The following PSD3 variants were observed in gnomAD, a reference collection of about 807,000 sequenced individuals.
PSD3 encodes PH and SEC7 domain-containing protein 3.
Under a neutral mutation model 105.5 loss-of-function variants are expected in PSD3, and 49 were observed. The ratio of observed to expected loss-of-function variants is 0.46; its 90% CI spans 0.37 to 0.59. The LOEUF (loss-of-function observed/expected upper bound fraction) is 0.59, where lower values mean the gene tolerates loss of function less well. Among genes scored for constraint, PSD3 ranks in the 20% least tolerant of loss-of-function variants. The pLI is 0.00. For synonymous variants in PSD3, 557 were observed against 457.8 expected, an observed-to-expected ratio of 1.22 and a Z score of -2.77; for missense variants, 1,561 against 1,263.8, an observed-to-expected ratio of 1.24 and a Z score of -3.57.
intron 11 of PSD3, among the ~76,000 whole-genome samples, chr8:18,614,445 A>C (rs1384518864): frequency 1.3e-5 from 2 of 151,020 alleles, no homozygotes; most frequent in African/African-American, 4.9e-5. Flanking sequence ...CTTTTAGGTA[A>C]AACGCAGGAT....
rs1801879700 is a variant in PSD3 at position 18,706,084 on chromosome 8, G to GTTC, written c.2173-50402_2173-50400dup. The stretch of plus-strand genomic sequence containing the variant: ...ACTGTATAGGTTGGCTCAGCGTCCA[G>GTTC]TTCTTCCCTTCCACCACAGGAAGGG... On this transcript the variant is annotated intron_variant, in intron 9 of 15. Transcript: ENST00000327040. Among the ~76,000 whole-genome samples the GTTC allele has an allele frequency of 3.9e-5, 6 of 152,190 alleles. No homozygotes were observed. The South Asian group carries it at 1.2e-3, about 32-fold the overall frequency.
chr8:18,846,423 A>G (rs936564463), intron 4 of PSD3, among the ~76,000 whole-genome samples: 1 of 152,142 alleles, frequency 6.6e-6, no homozygotes, highest in African/African-American at 2.4e-5. Flanking sequence ...CTAACGATAG[A>G]ACAGTTTCTA....
intron 2 of PSD3, among the ~76,000 whole-genome samples, chr8:18,894,190 TACTC>T (rs890223856): frequency 6.6e-6 from 1 of 152,228 alleles, no homozygotes; most frequent in African/African-American, 2.4e-5. Context: ...CAGCCTTTTG[TACTC>T]ACTACAAAGT....
intron 1 of PSD3, among the ~76,000 whole-genome samples, chr8:19,018,729 TTGAATCAAGTGTGTC>T (rs1827257985): frequency 6.6e-6 from 1 of 152,166 alleles, no homozygotes; most frequent in Non-Finnish European, 1.5e-5. Flanking sequence ...ATACTTTTTC[TTGAATCAAGTGTGTC>T]TGAACATCAA....
intron 1 of PSD3, among the ~76,000 whole-genome samples, chr8:18,995,028 T>G (rs1180106803): frequency 6.6e-6 from 1 of 152,096 alleles, no homozygotes; most frequent in East Asian, 1.9e-4. Context: ...AGGTTTATTC[T>G]ATTTTCCACA....
At chr8:18,651,784 G>A (rs928959160) in intron 10 of PSD3, among the ~76,000 whole-genome samples, 3 of 152,164 alleles carry the variant, frequency 2.0e-5, no homozygotes, top group East Asian at 3.9e-4. Flanking sequence ...AGGATGATAG[G>A]CTTTGAACAT....
intron 4 of PSD3, among the ~76,000 whole-genome samples, chr8:18,850,714 C>A (rs1046740010): frequency 1.5e-4 from 23 of 152,254 alleles, no homozygotes; most frequent in African/African-American, 5.5e-4. Flanking sequence ...ACAAAAAGGT[C>A]TTGTAGCTCA....
chr8:19,030,589 C>T (rs1827730967), intron 1 of PSD3, among the ~76,000 whole-genome samples: 1 of 152,144 alleles, frequency 6.6e-6, no homozygotes, highest in African/African-American at 2.4e-5. Flanking sequence ...TCCTCTCCCC[C>T]TTCACCTTCC....
chr8:18,594,241 AT>A (rs1390061900), intron 12 of PSD3, among the ~76,000 whole-genome samples: 1,922 of 8,888 alleles, frequency 0.22, 533 homozygotes, highest in South Asian at 0.41. Flanking sequence ...AATATATATT[AT>A]TATATATATT....
At chr8:18,851,026 G>A in intron 4 of PSD3, among the ~76,000 whole-genome samples, 1 of 152,296 alleles carries the variant, frequency 6.6e-6, no homozygotes, top group South Asian at 2.1e-4. Flanking sequence ...CAGAACACCA[G>A]ACAGCTACAA....
At chr8:18,897,438 G>C (rs564930120) in intron 2 of PSD3, among the ~76,000 whole-genome samples, 1 of 152,222 alleles carries the variant, frequency 6.6e-6, no homozygotes, top group African/African-American at 2.4e-5. Flanking sequence ...TTTGGAGTCC[G>C]GTAGTGTGAT....
At chr8:18,831,161 A>T (rs941650170) in intron 4 of PSD3, among the ~76,000 whole-genome samples, 5 of 151,718 alleles carry the variant, frequency 3.3e-5, no homozygotes, top group African/African-American at 9.7e-5. Flanking sequence ...AGCTACTATT[A>T]ATCTGGTTCT....
At chr8:18,920,941 T>C (rs1037926512) in intron 2 of PSD3, among the ~76,000 whole-genome samples, 2 of 152,186 alleles carry the variant, frequency 1.3e-5, no homozygotes, top group Admixed American at 6.5e-5. Flanking sequence ...TACATGATAG[T>C]GACTCCAGAA....
At chr8:18,545,696 G>A (rs184149053) in intron 15 of PSD3, among the ~76,000 whole-genome samples, 2 of 152,188 alleles carry the variant, frequency 1.3e-5, no homozygotes, top group African/African-American at 2.4e-5. Context: ...TATAGGGCAC[G>A]TGGTTAATCT....
At chr8:18,568,026 T>C (rs1801901778) in intron 14 of PSD3, among the ~76,000 whole-genome samples, 1 of 152,196 alleles carries the variant, frequency 6.6e-6, no homozygotes, top group African/African-American at 2.4e-5. Flanking sequence ...TCCCTTCCTC[T>C]CTCTCTTGCC....
chr8:18,667,093 A>G (rs1056213839), intron 9 of PSD3, among the ~76,000 whole-genome samples: 1 of 152,052 alleles, frequency 6.6e-6, no homozygotes, highest in Non-Finnish European at 1.5e-5. Flanking sequence ...TACAGCTCAT[A>G]AAGGCAGTGT....
At chr8:18,765,400 G>A in intron 9 of PSD3, 49 bp downstream of exon 9, 3 of 1,483,762 alleles carry the variant, frequency 2.0e-6, no homozygotes, top group Non-Finnish European at 2.8e-6. Context: ...GCTGTAAGCA[G>A]CAAACAGAAA....
chr8:18,528,013 A>G lies in PSD3; in HGVS notation c.*7730T>C, dbSNP rs1252496777. 1 of 152,264 alleles carries G rather than the reference A, an allele frequency of 6.6e-6. No individual in the cohort carries two copies. The highest frequency in any genetic ancestry group is 6.5e-5 in the Admixed American group (1 of 15,286). 9.4% of individuals were successfully genotyped at this position (152,264 alleles called of 1,614,324 possible). On this transcript the variant is annotated 3_prime_UTR_variant, in exon 16 of 16. Coordinates refer to ENST00000327040, the MANE Select transcript of PSD3 (RefSeq NM_015310.4). ...TGCCAATTAGTTTGAGCCACAGTGA[A>G]TATAACTCAGTTATTATAATAGGCT...
chr8:18,528,239 T>G lies in PSD3; in HGVS notation c.*7504A>C, dbSNP rs1456325858. 1 of 152,194 alleles carries G rather than the reference T, an allele frequency of 6.6e-6. No homozygotes were observed. Among genetic ancestry groups the G allele is most frequent in the Non-Finnish European group, 1.5e-5 (1 of 68,046 alleles). 9.4% of individuals were successfully genotyped at this position (152,194 alleles called of 1,614,324 possible). On this transcript the variant is annotated 3_prime_UTR_variant, in exon 16 of 16. Coordinates refer to ENST00000327040, the MANE Select transcript of PSD3 (RefSeq NM_015310.4). ...TCTGATCTGGACTGAACAAAGCTGCTAAGCTAGCACTTGAGTATTCCTCGA... is the reference window on the plus strand; with the variant it reads ...TCTGATCTGGACTGAACAAAGCTGCGAAGCTAGCACTTGAGTATTCCTCGA...
Sources: allele counts gnomAD v4.1 joint callset (sites outside exome capture counted in the v4.1 genomes callset), GRCh38; gene constraint gnomAD v4.1.1; transcripts MANE v1.5; gene names NCBI Gene and HGNC (gene_info 2026-07-23, HGNC 2026-07-21).